The following COL7A1 variants were observed in gnomAD, a reference collection of about 807,000 sequenced individuals.
COL7A1 encodes collagen type VII alpha 1 chain.
COL7A1 carries 296 observed loss-of-function variants against 456.2 expected under a neutral mutation model. That is an observed-to-expected ratio of 0.65 (90% CI 0.59 to 0.71). The LOEUF (loss-of-function observed/expected upper bound fraction) is 0.71. Ranked by LOEUF, COL7A1 falls within the 30% of genes least tolerant of loss-of-function variation. The pLI, the probability that COL7A1 is intolerant of heterozygous loss-of-function variation, is 0.00. For missense variants in COL7A1, 3,441 were observed against 4,017.2 expected, an observed-to-expected ratio of 0.86 and a Z score of 3.88; for synonymous variants, 1,464 against 1,525.9, an observed-to-expected ratio of 0.96 and a Z score of 0.95.
chr3:48,595,164 G>A lies in COL7A1; in HGVS notation c.-1-4C>T. 1.3e-6 allele frequency: 2 copies of A among 1,550,954 alleles called. No homozygotes were observed. Among genetic ancestry groups the A allele is most frequent in the Non-Finnish European group, 8.7e-7 (1 of 1,147,272 alleles). ...CACCAGAAGCCGCAGCGTCATCCTA[G>A]GCAGTAAAAGCCGTCAGCTAGGACC... On this transcript the variant is annotated splice_region_variant and splice_polypyrimidine_tract_variant and intron_variant, in intron 1 of 118. Transcript: ENST00000681320.
chr3:48,571,713 A>G lies in COL7A1; in HGVS notation c.7068+288T>C. The G allele has an allele frequency of 1.6e-6, 1 of 642,660 alleles. No individual in the cohort carries two copies. The highest frequency in any genetic ancestry group is 2.2e-5 in the Admixed American group (1 of 46,110). 39.8% of individuals were successfully genotyped at this position (642,660 alleles called of 1,614,324 possible). ...ACCAAGGAGAGGTTCACAAGAACTCAGGTGTGTCCTGGGATCTGGGAGATC... is the reference window on the plus strand; with the variant it reads ...ACCAAGGAGAGGTTCACAAGAACTCGGGTGTGTCCTGGGATCTGGGAGATC... On this transcript the variant is annotated intron_variant, in intron 92 of 118. Coordinates refer to ENST00000681320, the MANE Select transcript of COL7A1 (RefSeq NM_000094.4). The surrounding 1 kb of genome is among the most constrained non-coding windows in gnomAD (Gnocchi z 4.6).
rs752204055 is a variant in COL7A1 at position 48,591,455 on chromosome 3, C to A, written c.1636+9G>T. ...TGTGTGGTGGGGGTGCTGGCTGCGTCCACCTCACCCTGGGTGCTGCGCACA... is the reference window on the plus strand; with the variant it reads ...TGTGTGGTGGGGGTGCTGGCTGCGTACACCTCACCCTGGGTGCTGCGCACA... On this transcript the variant is annotated intron_variant, in intron 13 of 118. Coordinates refer to ENST00000681320, the MANE Select transcript of COL7A1 (RefSeq NM_000094.4). This position sits in a 1 kb window ranked among gnomAD's most constrained non-coding sequence, Gnocchi z 7.0. 3 of 1,612,712 alleles carry A rather than the reference C, an allele frequency of 1.9e-6. No individual in the cohort carries two copies. The Admixed American group carries it at 5.0e-5, about 27-fold the overall frequency.
rs1395504961 is a variant in COL7A1 at position 48,584,178 on chromosome 3, G to A, written c.4198-117C>T. On this transcript the variant is annotated intron_variant, in intron 37 of 118. Transcript: ENST00000681320. The stretch of plus-strand genomic sequence containing the variant: ...TCAAGGATTTTGGGAGAACTGAGGC[G>A]TCATGGTGAGGATGGGGGTAATCAA... 3.0e-5 allele frequency: 47 copies of A among 1,574,120 alleles called. No individual in the cohort carries two copies. In the South Asian group the frequency reaches 4.1e-4, roughly 14 times the overall value.
Position 48,591,666 on chromosome 3 carries a change from C to T in COL7A1, c.1507+7G>A. 2 of 1,613,960 alleles carry T rather than the reference C, an allele frequency of 1.2e-6. No individual in the cohort carries two copies. The highest frequency in any genetic ancestry group is 1.7e-6 in the Non-Finnish European group (2 of 1,180,006). On this transcript the variant is annotated splice_region_variant and intron_variant, in intron 12 of 118. Transcript: ENST00000681320. This position sits in a 1 kb window ranked among gnomAD's most constrained non-coding sequence, Gnocchi z 7.0. ...CCACTCACTGGCCCAGCCCACAGAGCCCTCACCAGTGGGAACCACGGTTGC... is the reference window on the plus strand; with the variant it reads ...CCACTCACTGGCCCAGCCCACAGAGTCCTCACCAGTGGGAACCACGGTTGC...
Position 48,573,499 on chromosome 3 carries a change from A to G in COL7A1, c.6618+14T>C. The G allele has an allele frequency of 1.2e-6, 2 of 1,613,962 alleles. No individual in the cohort carries two copies. The highest frequency in any genetic ancestry group is 1.7e-5 in the Admixed American group (1 of 60,012). The stretch of plus-strand genomic sequence containing the variant: ...GAAGGAGCCTCCTCCTCCTATCCAC[A>G]CACCTAGACTCACCTTCAGGCCAGA... On this transcript the variant is annotated intron_variant, in intron 83 of 118. Transcript: ENST00000681320. The surrounding 1 kb of genome is among the most constrained non-coding windows in gnomAD (Gnocchi z 5.5).
chr3:48,573,106 A>C lies in COL7A1; in HGVS notation c.6715-50T>G, dbSNP rs548337775. The C allele has an allele frequency of 7.4e-6, 12 of 1,614,130 alleles. No individual in the cohort carries two copies. In the South Asian group the frequency reaches 9.9e-5, roughly 13 times the overall value. The stretch of plus-strand genomic sequence containing the variant: ...AGGGTGACAATGGACACAGGACGAC[A>C]TGAGAGAACATGGGCCCCAAGGAGT... On this transcript the variant is annotated intron_variant, in intron 85 of 118. Coordinates refer to ENST00000681320, the MANE Select transcript of COL7A1 (RefSeq NM_000094.4). The surrounding 1 kb of genome is among the most constrained non-coding windows in gnomAD (Gnocchi z 5.5).
In COL7A1 at chr3:48,567,606, C is replaced by A. The variant is rs770335015; in HGVS notation, c.8014G>T (p.Ala2672Ser). 3.1e-5 allele frequency: 50 copies of A among 1,614,134 alleles called. No individual in the cohort carries two copies. The highest frequency in any genetic ancestry group is 4.2e-5 in the Non-Finnish European group (49 of 1,180,034). Residue 2672 changes from alanine to serine, a missense_variant, in exon 109 of 119, where the codon GCC becomes TCC. This residue lies in a region of COL7A1 where 2,084 missense variants were observed against 2,501.3 expected (regional missense o/e 0.83). Transcript: ENST00000681320. This position sits in a 1 kb window ranked among gnomAD's most constrained non-coding sequence, Gnocchi z 4.3. ...CCGATCAGGCCCTCCTTGCCAGGGG[C>A]CCCCGACTGGCCCGGCACACCAGGC... Reference protein sequence around the residue: ...GEPGVPGQSGAPGKEGLIGPK... With the variant: ...GEPGVPGQSGSPGKEGLIGPK...
intron 36 of COL7A1, 24 bp from the exon 37 acceptor site, chr3:48,584,399 G>A (rs775081447): frequency 1.9e-6 from 3 of 1,613,664 alleles, no homozygotes; most frequent in East Asian, 2.2e-5. Context: ...CAAAGTATAA[G>A]GTGCAACCCC....
chr3:48,568,686 G>A lies in COL7A1; in HGVS notation c.7758+98C>T, dbSNP rs540498667. 1 of 1,483,302 alleles carries A rather than the reference G, an allele frequency of 6.7e-7. No homozygotes were observed. The highest frequency in any genetic ancestry group is 1.2e-5 in the South Asian group (1 of 82,690). 91.9% of individuals were successfully genotyped at this position (1,483,302 alleles called of 1,614,324 possible). On this transcript the variant is annotated intron_variant, in intron 104 of 118. Coordinates refer to ENST00000681320, the MANE Select transcript of COL7A1 (RefSeq NM_000094.4). This position sits in a 1 kb window ranked among gnomAD's most constrained non-coding sequence, Gnocchi z 5.2. ...CACACATGGGGCCGGCAGCAAGGGA[G>A]CCAGAACCCCCAGCACTTAAGAGGA...
In COL7A1 at chr3:48,580,897, G is replaced by A. The variant is rs1560232515; in HGVS notation, c.4965C>T (p.Gly1655=). The A allele has an allele frequency of 6.2e-7, 1 of 1,613,978 alleles. No individual in the cohort carries two copies. Among genetic ancestry groups the A allele is most frequent in the Non-Finnish European group, 8.5e-7 (1 of 1,179,996 alleles). ...PGDPGLPGKA[G]ERGLRGAPGV... is the part of the protein sequence containing the mutation. ...CAAGACTCACCCGAAGGCCACGCTC[G>A]CCTGCTTTTCCAGGCAAACCCGGGT... The change falls in exon 54 of 119, where the codon GGC becomes GGT. Residue 1655 remains glycine (G), a synonymous_variant. Coordinates refer to ENST00000681320, the MANE Select transcript of COL7A1 (RefSeq NM_000094.4). The surrounding 1 kb of genome is among the most constrained non-coding windows in gnomAD (Gnocchi z 4.5).
Position 48,591,946 on chromosome 3 carries a change from A to C in COL7A1, c.1309T>G (p.Leu437Val). The C allele has an allele frequency of 6.2e-7, 1 of 1,614,174 alleles. No homozygotes were observed. The highest frequency in any genetic ancestry group is 8.5e-7 in the Non-Finnish European group (1 of 1,180,024). ...GPTSILLSWN[L>V]VPEARGYRLE... Reference sequence around the variant, plus strand: ...CGGTAGCCACGGGCCTCAGGCACCAAGTTCCAGGAAAGGAGGATGGATGTG... The same window carrying C: ...CGGTAGCCACGGGCCTCAGGCACCACGTTCCAGGAAAGGAGGATGGATGTG... The change falls in exon 11 of 119, where the codon TTG becomes GTG. Residue 437 changes from leucine (L) to valine (V), a missense_variant. This residue lies in a region of COL7A1 where 913 missense variants were observed against 1,088.2 expected (regional missense o/e 0.84). Coordinates refer to ENST00000681320, the MANE Select transcript of COL7A1 (RefSeq NM_000094.4). This position sits in a 1 kb window ranked among gnomAD's most constrained non-coding sequence, Gnocchi z 7.0.
At chr3:48,582,880 C>T (rs1575462097) in intron 44 of COL7A1, 133 bp downstream of exon 44, 3 of 1,390,076 alleles carry the variant, frequency 2.2e-6, no homozygotes, top group East Asian at 4.6e-5. Context: ...GGGTTAGAGC[C>T]TGTATCAGCA....
Position 48,585,223 on chromosome 3 carries a change from C to T in COL7A1, c.3895-107G>A, listed in dbSNP as rs1575469588. ...AAGGGGTCGCCTACCCCACTGACCCCCAAGTGTTATTGGGGGTGGAACAGT... is the reference window on the plus strand; with the variant it reads ...AAGGGGTCGCCTACCCCACTGACCCTCAAGTGTTATTGGGGGTGGAACAGT... On this transcript the variant is annotated intron_variant, in intron 32 of 118. Transcript: ENST00000681320. This position sits in a 1 kb window ranked among gnomAD's most constrained non-coding sequence, Gnocchi z 4.5. The T allele has an allele frequency of 8.9e-7, 1 of 1,122,366 alleles. No individual in the cohort carries two copies. Among genetic ancestry groups the T allele is most frequent in the East Asian group, 2.5e-5 (1 of 39,422 alleles). 69.5% of individuals were successfully genotyped at this position (1,122,366 alleles called of 1,614,324 possible).
At position 48,579,147 on chromosome 3, in the gene COL7A1, T is replaced by A; in HGVS notation, c.5388+50A>T. 2 of 1,600,548 alleles carry A rather than the reference T, an allele frequency of 1.2e-6. No homozygotes were observed. Among genetic ancestry groups the A allele is most frequent in the Non-Finnish European group, 1.7e-6 (2 of 1,170,046 alleles). ...ATGAGGCTGGGGTCTAGGGTCCTCA[T>A]GTGAAGGGGTAGGGGAAGGGGACAA... On this transcript the variant is annotated intron_variant, in intron 62 of 118. Coordinates refer to ENST00000681320, the MANE Select transcript of COL7A1 (RefSeq NM_000094.4). This position sits in a 1 kb window ranked among gnomAD's most constrained non-coding sequence, Gnocchi z 4.4.
rs112479160 is a variant in COL7A1 at position 48,584,304 on chromosome 3, G to A, written c.4191C>T (p.Ala1397=). Reference sequence around the variant, plus strand: ...GCACTCATGAGGCTGTCACCTTCATGGCTGTTCCAGGAAGCCCTGGGGGGC... The same window carrying A: ...GCACTCATGAGGCTGTCACCTTCATAGCTGTTCCAGGAAGCCCTGGGGGGC... The part of the protein sequence containing the change: ...PRGPPGLPGT[A]MKGDKGDRGE... The change falls in exon 37 of 119, where the codon GCC becomes GCT. Residue 1397 remains alanine (A), a synonymous_variant. Transcript: ENST00000681320. The A allele has an allele frequency of 2.5e-5, 41 of 1,609,070 alleles. No homozygotes were observed. In the African/African-American group the frequency reaches 2.7e-4, roughly 10 times the overall value.
Position 48,592,586 on chromosome 3 carries a change from G to A in COL7A1, c.960C>T (p.Ser320=), listed in dbSNP as rs141801873. The A allele has an allele frequency of 4.3e-5, 69 of 1,613,848 alleles. No individual in the cohort carries two copies. Among genetic ancestry groups the A allele is most frequent in the Non-Finnish European group, 5.1e-5 (60 of 1,180,032 alleles). Residue 320 remains serine (S), a synonymous_variant, in exon 8 of 119, where the codon AGC becomes AGT. Coordinates refer to ENST00000681320, the MANE Select transcript of COL7A1 (RefSeq NM_000094.4). The surrounding 1 kb of genome is among the most constrained non-coding windows in gnomAD (Gnocchi z 7.6). ...LYANSIGEAV[S]GTARTTALEG... is the part of the protein sequence containing the mutation. The stretch of plus-strand genomic sequence containing the variant: ...ATTGCTCACTGGTCCGAGCTGTCCC[G>A]CTCACAGCCTCCCCGATGCTGTTGG...
chr3:48,585,248 T>C lies in COL7A1; in HGVS notation c.3895-132A>G, dbSNP rs2045159507. 1 of 914,898 alleles carries C rather than the reference T, an allele frequency of 1.1e-6. No individual in the cohort carries two copies. 56.7% of individuals were successfully genotyped at this position (914,898 alleles called of 1,614,324 possible). A position where few individuals can be genotyped will look rare whatever the true frequency, so the allele number is the denominator to read the frequency against. On this transcript the variant is annotated intron_variant, in intron 32 of 118. Transcript: ENST00000681320. The surrounding 1 kb of genome is among the most constrained non-coding windows in gnomAD (Gnocchi z 4.5). ...CCAAGTGTTATTGGGGGTGGAACAG[T>C]GAGGCAGAGAAATGGCCCCTCAGAG...
At position 48,581,780 on chromosome 3, in the gene COL7A1, C is replaced by CAGTGCT; in HGVS notation, c.4669-27_4669-22dup. The CAGTGCT allele has an allele frequency of 6.2e-7, 1 of 1,614,070 alleles. No individual in the cohort carries two copies. The highest frequency in any genetic ancestry group is 8.5e-7 in the Non-Finnish European group (1 of 1,180,006). On this transcript the variant is annotated intron_variant, in intron 48 of 118. Coordinates refer to ENST00000681320, the MANE Select transcript of COL7A1 (RefSeq NM_000094.4). The surrounding 1 kb of genome is among the most constrained non-coding windows in gnomAD (Gnocchi z 5.8). ...TCTCCCTGGAGGTGACAAAGACCAT[C>CAGTGCT]AGTGCTAGTCCCAGGCTCCAGTTAA...
At position 48,574,388 on chromosome 3, in the gene COL7A1, C is replaced by T. The variant is rs999518857; in HGVS notation, c.6457-82G>A. The T allele has an allele frequency of 6.2e-7, 1 of 1,612,774 alleles. No homozygotes were observed. The highest frequency in any genetic ancestry group is 1.3e-5 in the African/African-American group (1 of 74,902). On this transcript the variant is annotated intron_variant, in intron 79 of 118. Transcript: ENST00000681320. This position sits in a 1 kb window ranked among gnomAD's most constrained non-coding sequence, Gnocchi z 5.0. ...CCATCCCCCTAGACAGAGTCAGGAC[C>T]CAGACAGTCCCAGGCAGTACAGACC...
Sources: allele counts gnomAD v4.1 joint callset, GRCh38; gene constraint gnomAD v4.1.1; regional missense constraint gnomAD v4.1.1; non-coding constraint Gnocchi (gnomAD v3.1); transcripts MANE v1.5; gene names NCBI Gene and HGNC (gene_info 2026-07-23, HGNC 2026-07-21).